Variants in HDAC9 observed in about 807,000 individuals in gnomAD.
The protein encoded by HDAC9 is histone deacetylase 9.
HDAC9 carries 41 observed loss-of-function variants against 139.4 expected under a neutral mutation model. The observed-to-expected ratio is 0.29, with a 90% CI of 0.23 to 0.38. HDAC9 has a LOEUF of 0.38. HDAC9 is among the 10% of genes least tolerant of loss of function. The pLI is 1.00. For missense variants in HDAC9, 1,147 were observed against 1,297.0 expected (o/e 0.88, Z 1.78); for synonymous variants, 517 against 476.2 (o/e 1.09, Z -1.12).
chr7:18,324,553 T>C (rs1800290525), intron 1 of HDAC9, among the ~76,000 whole-genome samples: 1 of 152,170 alleles, frequency 6.6e-6, no homozygotes, highest in Admixed American at 6.6e-5. Flanking sequence ...TTACGGTTTT[T>C]CTTGGGTGCT....
chr7:18,552,967 C>T (rs970318701), intron 2 of HDAC9, among the ~76,000 whole-genome samples: 3 of 152,098 alleles, frequency 2.0e-5, no homozygotes, highest in Non-Finnish European at 4.4e-5. Flanking sequence ...GTACTGGCAG[C>T]GTGTTATTTT....
chr7:18,888,019 T>C (rs971186505), intron 22 of HDAC9, among the ~76,000 whole-genome samples: 3 of 152,218 alleles, frequency 2.0e-5, no homozygotes, highest in Non-Finnish European at 2.9e-5. Flanking sequence ...AGAGTAACTT[T>C]TATGAACTCC....
chr7:18,931,055 A>G (rs1804697515), intron 22 of HDAC9, among the ~76,000 whole-genome samples: 1 of 152,166 alleles, frequency 6.6e-6, no homozygotes, highest in African/African-American at 2.4e-5. Flanking sequence ...GATTTATTAT[A>G]TCTTTTAAAA....
chr7:18,590,882 T>C (rs1830754543), intron 4 of HDAC9, among the ~76,000 whole-genome samples: 1 of 152,168 alleles, frequency 6.6e-6, no homozygotes, highest in Admixed American at 6.6e-5. Context: ...TCCATTTAGT[T>C]TTGGCATACT....
chr7:18,677,272 C>G (rs986443430), intron 12 of HDAC9, among the ~76,000 whole-genome samples: 1 of 151,616 alleles, frequency 6.6e-6, no homozygotes, highest in African/African-American at 2.4e-5. Context: ...AATTTTTTTT[C>G]AATCAGAAAA....
intron 1 of HDAC9, among the ~76,000 whole-genome samples, chr7:18,362,119 G>A (rs1186436798): frequency 6.6e-6 from 1 of 152,184 alleles, no homozygotes; most frequent in African/African-American, 2.4e-5. Context: ...CACTGATTAT[G>A]AATTGTTTCT....
chr7:18,182,448 C>A (rs1162341845), intron 2 of HDAC9, among the ~76,000 whole-genome samples: 1 of 152,064 alleles, frequency 6.6e-6, no homozygotes, highest in African/African-American at 2.4e-5. Flanking sequence ...GGAAAACAGA[C>A]AAACATAGTG....
chr7:18,822,029 T>C (rs1306933692), intron 17 of HDAC9, among the ~76,000 whole-genome samples: 1 of 151,410 alleles, frequency 6.6e-6, no homozygotes, highest in African/African-American at 2.5e-5. Context: ...CCTTGCAGTT[T>C]CTCCACATGT....
intron 1 of HDAC9, among the ~76,000 whole-genome samples, chr7:18,447,321 A>G: frequency 6.6e-6 from 1 of 152,162 alleles, no homozygotes; most frequent in Non-Finnish European, 1.5e-5. Context: ...AAACACTTAT[A>G]TATCGCTTAC....
intron 13 of HDAC9, among the ~76,000 whole-genome samples, chr7:18,739,389 C>T (rs539142701): frequency 1.3e-5 from 2 of 152,322 alleles, no homozygotes; most frequent in Non-Finnish European, 2.9e-5. Context: ...TTCTCCCCAT[C>T]TTTGTGGTTT....
intron 2 of HDAC9, among the ~76,000 whole-genome samples, chr7:18,207,873 C>T (rs1032197764): frequency 6.6e-6 from 1 of 151,838 alleles, no homozygotes; most frequent in Non-Finnish European, 1.5e-5. Flanking sequence ...AGCCACCACG[C>T]CCGGCTAATT....
At chr7:18,640,794 C>T (rs1035592049) in intron 8 of HDAC9, among the ~76,000 whole-genome samples, 38 of 151,960 alleles carry the variant, frequency 2.5e-4, no homozygotes, top group African/African-American at 7.5e-4. Context: ...GGTGTGCTTT[C>T]AATCACCACA....
At chr7:18,663,862 A>T (rs1793978211) in intron 11 of HDAC9, among the ~76,000 whole-genome samples, 1 of 151,966 alleles carries the variant, frequency 6.6e-6, no homozygotes. Context: ...ACCTGCTCTT[A>T]TTTGTAGTCT....
chr7:18,965,718 C>T (rs2129331302), intron 24 of HDAC9, among the ~76,000 whole-genome samples: 1 of 152,304 alleles, frequency 6.6e-6, no homozygotes, highest in South Asian at 2.1e-4. Flanking sequence ...ATTTATGCTC[C>T]AACTCCAAAC....
intron 21 of HDAC9, among the ~76,000 whole-genome samples, chr7:18,846,600 T>C (rs1338448312): frequency 2.0e-5 from 3 of 152,240 alleles, no homozygotes; most frequent in Non-Finnish European, 4.4e-5. Context: ...CGAAGACTTA[T>C]AAAAGTTTCC....
chr7:18,475,977 C>T (rs879315962), intron 1 of HDAC9, among the ~76,000 whole-genome samples: 1 of 152,032 alleles, frequency 6.6e-6, no homozygotes, highest in East Asian at 1.9e-4. Flanking sequence ...CTTTCTGTAG[C>T]CCAGTTTAGA....
intron 1 of HDAC9, among the ~76,000 whole-genome samples, chr7:18,443,787 CCTCT>C (rs1287882145): frequency 2.7e-5 from 4 of 149,720 alleles, no homozygotes; most frequent in African/African-American, 5.0e-5. Flanking sequence ...TCTTTCTCTC[CCTCT>C]CTGTGTGTGT....
chr7:18,980,758 C>CCT (rs1784881217), intron 25 of HDAC9, among the ~76,000 whole-genome samples: 1 of 140,922 alleles, frequency 7.1e-6, no homozygotes, highest in Non-Finnish European at 1.5e-5. Context: ...TCTTCTTCTT[C>CCT]CTTCTTCTTC....
At chr7:18,990,937 C>T (rs1413963405) in intron 25 of HDAC9, among the ~76,000 whole-genome samples, 2 of 152,230 alleles carry the variant, frequency 1.3e-5, no homozygotes, top group Non-Finnish European at 2.9e-5. Flanking sequence ...GACCTGCGCC[C>T]ACTGTCTGGC....
Sources: allele counts gnomAD v4.1 joint callset (sites outside exome capture counted in the v4.1 genomes callset), GRCh38; gene constraint gnomAD v4.1.1; transcripts MANE v1.5; gene names NCBI Gene and HGNC (gene_info 2026-07-23, HGNC 2026-07-21).